Variants in ST6GALNAC5 observed in about 807,000 individuals in gnomAD.
ST6GALNAC5 encodes the protein ST6 N-acetylgalactosaminide alpha-2,6-sialyltransferase 5.
A neutral mutation model predicts 33.6 loss-of-function variants in ST6GALNAC5; 27 were observed. That is an observed-to-expected ratio of 0.80 (90% CI 0.59 to 1.11). ST6GALNAC5 has a LOEUF of 1.11. ST6GALNAC5 is among the 50% of genes least tolerant of loss of function. The probability of loss-of-function intolerance (pLI) is 0.00; values close to 1 mark genes in which losing one functional copy is unlikely to be tolerated. For synonymous variants in ST6GALNAC5, 194 were observed against 171.2 expected (o/e 1.13, Z -1.04); for missense variants, 428 against 454.0 (o/e 0.94, Z 0.52).
chr1:77,061,851 TGA>T (rs1652586619), intron 4 of ST6GALNAC5, among the ~76,000 whole-genome samples: 1 of 152,172 alleles, frequency 6.6e-6, no homozygotes, highest in Non-Finnish European at 1.5e-5. Flanking sequence ...TGTTTGAGGC[TGA>T]GACAGAGATA....
rs568050334 is a variant in ST6GALNAC5, at chr1:76,876,898, G to A, written c.261+8156G>A. 2.6e-5 allele frequency among the ~76,000 whole-genome samples: 4 copies of A among 152,356 alleles called. No individual in the cohort carries two copies. In the South Asian group the frequency reaches 6.2e-4, roughly 24 times the overall value. Reference sequence around the variant, plus strand: ...CATGAGGCCATCTGCTGGGCTGAGGGAGAGAAGGCAGGGTGGCAAGAATGG... The same window carrying A: ...CATGAGGCCATCTGCTGGGCTGAGGAAGAGAAGGCAGGGTGGCAAGAATGG... On this transcript the variant is annotated intron_variant, in intron 2 of 4. Transcript: ENST00000477717.
intron 2 of ST6GALNAC5, among the ~76,000 whole-genome samples, chr1:76,953,437 A>G (rs1647834316): frequency 1.3e-5 from 2 of 152,080 alleles, no homozygotes; most frequent in Non-Finnish European, 2.9e-5. Flanking sequence ...ACGACGTTGG[A>G]CATCTTTTTA....
At chr1:76,962,482 C>T (rs2100352008) in intron 2 of ST6GALNAC5, among the ~76,000 whole-genome samples, 1 of 152,266 alleles carries the variant, frequency 6.6e-6, no homozygotes, top group Admixed American at 6.5e-5. Flanking sequence ...TTAACAGAGA[C>T]CTATTTACAC....
At chr1:77,008,242 A>C (rs528618681) in intron 2 of ST6GALNAC5, among the ~76,000 whole-genome samples, 8 of 152,322 alleles carry the variant, frequency 5.3e-5, no homozygotes, top group African/African-American at 1.9e-4. Context: ...ATTGAACAAC[A>C]GTCAAGCTTT....
chr1:76,929,224 T>C (rs944488259), intron 2 of ST6GALNAC5, among the ~76,000 whole-genome samples: 3 of 151,928 alleles, frequency 2.0e-5, no homozygotes, highest in Admixed American at 2.0e-4. Context: ...TCCCCTCATA[T>C]TAAAAAAAAG....
At chr1:77,043,287 C>T (rs556146562) in intron 2 of ST6GALNAC5, among the ~76,000 whole-genome samples, 21 of 152,324 alleles carry the variant, frequency 1.4e-4, no homozygotes, top group East Asian at 9.6e-4. Flanking sequence ...AACATGAACA[C>T]GGGAATGTTT....
At chr1:76,950,579 A>G (rs1647703758) in intron 2 of ST6GALNAC5, among the ~76,000 whole-genome samples, 1 of 152,126 alleles carries the variant, frequency 6.6e-6, no homozygotes, top group Non-Finnish European at 1.5e-5. Flanking sequence ...TGTATAACCT[A>G]AGCCAAAGAC....
chr1:76,981,660 T>C (rs1304072378), intron 2 of ST6GALNAC5, among the ~76,000 whole-genome samples: 1 of 56,074 alleles, frequency 1.8e-5, no homozygotes, highest in Non-Finnish European at 3.8e-5. Flanking sequence ...GCATTTGAGC[T>C]CGAGAATGGA....
intron 2 of ST6GALNAC5, among the ~76,000 whole-genome samples, chr1:76,978,608 A>T (rs1212193148): frequency 6.6e-6 from 1 of 152,240 alleles, no homozygotes; most frequent in Admixed American, 6.5e-5. Flanking sequence ...AACAAATTGC[A>T]TATCAAAGGA....
chr1:77,009,076 C>G (rs1471258249), intron 2 of ST6GALNAC5, among the ~76,000 whole-genome samples: 1 of 152,164 alleles, frequency 6.6e-6, no homozygotes, highest in Non-Finnish European at 1.5e-5. Context: ...TAACACTGAA[C>G]CATAGAAGCA....
At chr1:76,990,206 A>G (rs1649671063) in intron 2 of ST6GALNAC5, among the ~76,000 whole-genome samples, 1 of 152,022 alleles carries the variant, frequency 6.6e-6, no homozygotes, top group South Asian at 2.1e-4. Context: ...TCCATCCCCA[A>G]TCTCCACCAA....
chr1:77,013,111 A>C (rs1056862943), intron 2 of ST6GALNAC5, among the ~76,000 whole-genome samples: 3 of 152,192 alleles, frequency 2.0e-5, no homozygotes, highest in Non-Finnish European at 2.9e-5. Context: ...AGGGCACCCC[A>C]CAGTCCTGCG....
chr1:76,870,675 T>G (rs1653483398), intron 2 of ST6GALNAC5, among the ~76,000 whole-genome samples: 1 of 152,230 alleles, frequency 6.6e-6, no homozygotes, highest in South Asian at 2.1e-4. Flanking sequence ...ATTGAAATGA[T>G]ATGTAGTAAA....
chr1:77,015,152 G>C (rs1204893627), intron 2 of ST6GALNAC5, among the ~76,000 whole-genome samples: 1 of 151,996 alleles, frequency 6.6e-6, no homozygotes, highest in Non-Finnish European at 1.5e-5. Context: ...ATGATCAGCA[G>C]ATTGCAAGCT....
chr1:77,029,622 C>T (rs1185803762), intron 2 of ST6GALNAC5, among the ~76,000 whole-genome samples: 1 of 152,196 alleles, frequency 6.6e-6, no homozygotes, highest in Non-Finnish European at 1.5e-5. Context: ...TCTGTGACTC[C>T]ATACTGTGGA....
intron 2 of ST6GALNAC5, among the ~76,000 whole-genome samples, chr1:76,889,339 A>G (rs958736534): frequency 1.3e-5 from 2 of 152,048 alleles, no homozygotes; most frequent in Admixed American, 1.3e-4. Context: ...GTCAATATTG[A>G]TGCAGATTTA....
At chr1:77,001,824 A>G (rs1018014413) in intron 2 of ST6GALNAC5, among the ~76,000 whole-genome samples, 1 of 151,686 alleles carries the variant, frequency 6.6e-6, no homozygotes, top group Non-Finnish European at 1.5e-5. Context: ...CCAGCCTTGC[A>G]TTCCAGGAAT....
chr1:76,904,732 G>A (rs1187256313), intron 2 of ST6GALNAC5, among the ~76,000 whole-genome samples: 1 of 152,148 alleles, frequency 6.6e-6, no homozygotes, highest in African/African-American at 2.4e-5. Context: ...GGCTGAGGCA[G>A]GGGAATCACT....
In ST6GALNAC5 at chr1:76,949,409, T is replaced by C. The variant is rs554939436; in HGVS notation, c.261+80667T>C. Among the ~76,000 whole-genome samples the C allele has an allele frequency of 2.0e-5, 3 of 152,226 alleles. No homozygotes were observed. The East Asian group carries it at 5.8e-4, about 29-fold the overall frequency. ...TGCTGGCAGTGGCACTGGCCCACAA[T>C]GGATAGAGCTGGCGTGAGGAGTGGA... On this transcript the variant is annotated intron_variant, in intron 2 of 4. Transcript: ENST00000477717.
Sources: gnomAD v4.1 joint callset for allele counts (sites outside exome capture counted in the v4.1 genomes callset) on GRCh38, gnomAD v4.1.1 for gene constraint, MANE v1.5 for transcripts, NCBI Gene and HGNC (gene_info 2026-07-23, HGNC 2026-07-21) for gene names.